The following PCDH11X variants were observed in gnomAD, a reference collection of about 807,000 sequenced individuals.
The protein encoded by PCDH11X is protocadherin-11 X-linked.
PCDH11X carries 18 observed loss-of-function variants against 53.3 expected under a neutral mutation model. The observed-to-expected ratio is 0.34, with a 90% CI of 0.23 to 0.50. The LOEUF (loss-of-function observed/expected upper bound fraction) is 0.50. PCDH11X is among the 20% of genes least tolerant of loss of function. The probability of loss-of-function intolerance (pLI) is 0.98; values close to 1 mark genes in which losing one functional copy is unlikely to be tolerated. For missense variants in PCDH11X, 570 were observed against 1,032.4 expected (o/e 0.55, Z 6.14); for synonymous variants, 279 against 393.3 (o/e 0.71, Z 3.44).
chrX:91,965,916 A>T (rs1192702669), intron 6 of PCDH11X, among the ~76,000 whole-genome samples: 1 of 111,816 alleles, frequency 8.9e-6, no homozygotes, highest in Non-Finnish European at 1.9e-5. Flanking sequence ...GATGACAAGT[A>T]TTACCAAGGA....
intron 6 of PCDH11X, among the ~76,000 whole-genome samples, chrX:92,065,457 T>C (rs1373976709): frequency 9.0e-6 from 1 of 111,457 alleles, no homozygotes; most frequent in Non-Finnish European, 1.9e-5. Flanking sequence ...TTCATAGTAG[T>C]TGTACTAATT....
chrX:91,795,450 C>G (rs1251498430), intron 1 of PCDH11X, among the ~76,000 whole-genome samples: 1 of 109,530 alleles, frequency 9.1e-6, no homozygotes, highest in African/African-American at 3.3e-5. Flanking sequence ...ATCATATAGC[C>G]CAAAATAGTC....
intron 10 of PCDH11X, among the ~76,000 whole-genome samples, chrX:92,589,864 G>T (rs1420742736): frequency 5.4e-5 from 6 of 111,343 alleles, no homozygotes; most frequent in Non-Finnish European, 3.8e-5. Context: ...GCTAATGGGA[G>T]GCCATCAGTC....
chrX:92,212,229 C>T (rs2066603938), intron 7 of PCDH11X, among the ~76,000 whole-genome samples: 1 of 111,583 alleles, frequency 9.0e-6, no homozygotes, highest in Admixed American at 9.5e-5. Context: ...CCAGGCTGGT[C>T]TCAAACTACT....
intron 10 of PCDH11X, among the ~76,000 whole-genome samples, chrX:92,476,208 C>T (rs2073382440): frequency 9.0e-6 from 1 of 111,405 alleles, no homozygotes; most frequent in African/African-American, 3.3e-5. Context: ...TCTTCCTTGC[C>T]TTCCACCATG....
At chrX:92,325,623 T>C (rs2069313026) in intron 8 of PCDH11X, among the ~76,000 whole-genome samples, 1 of 112,076 alleles carries the variant, frequency 8.9e-6, no homozygotes, top group South Asian at 3.7e-4. Context: ...AGAAGCCAGA[T>C]TGTCACTGTG....
chrX:92,148,322 A>G (rs780618900), intron 6 of PCDH11X, among the ~76,000 whole-genome samples: 1 of 99,493 alleles, frequency 1.0e-5, no homozygotes, highest in African/African-American at 3.7e-5. Flanking sequence ...TCTGCCTCCC[A>G]GGTTCAAGCG....
intron 6 of PCDH11X, among the ~76,000 whole-genome samples, chrX:92,059,822 G>A: frequency 9.1e-6 from 1 of 109,847 alleles, no homozygotes; most frequent in Non-Finnish European, 1.9e-5. Flanking sequence ...AACTCTGCAA[G>A]CCTAGGCATC....
chrX:91,996,173 G>A (rs1482660881), intron 6 of PCDH11X, among the ~76,000 whole-genome samples: 3 of 78,830 alleles, frequency 3.8e-5, no homozygotes, highest in African/African-American at 1.5e-4. Flanking sequence ...TGAGACGGAG[G>A]TTCAGTCTCC....
At chrX:91,947,044 G>T (rs903704196) in intron 6 of PCDH11X, among the ~76,000 whole-genome samples, 2 of 102,083 alleles carry the variant, frequency 2.0e-5, no homozygotes, top group Non-Finnish European at 2.0e-5. Context: ...CTGATCCTGG[G>T]TAATTAATGG....
chrX:92,102,698 G>T (rs1026250870), intron 6 of PCDH11X, among the ~76,000 whole-genome samples: 2 of 111,340 alleles, frequency 1.8e-5, no homozygotes, highest in African/African-American at 6.6e-5. Flanking sequence ...GGGATGAAGG[G>T]TGCAAAGGAA....
At position 92,062,440 on chromosome X, in the gene PCDH11X, A is replaced by G. The variant is rs1279868874; in HGVS notation, c.3034-138935A>G. Among the ~76,000 whole-genome samples, 6 of 111,901 alleles carry G rather than the reference A, an allele frequency of 5.4e-5. No homozygotes were observed. In the East Asian group the frequency reaches 1.7e-3, roughly 31 times the overall value. On this transcript the variant is annotated intron_variant, in intron 6 of 10. Coordinates refer to ENST00000682573, the MANE Select transcript of PCDH11X (RefSeq NM_032968.5). ...AATGCTTCTAGCTTTTGCTCATTCA[A>G]TATGATGTTGGCTGTGGGAATGTCA... is the stretch of plus-strand genomic sequence containing the variant.
At chrX:92,458,023 G>C (rs1326277176) in intron 9 of PCDH11X, among the ~76,000 whole-genome samples, 1 of 109,882 alleles carries the variant, frequency 9.1e-6, no homozygotes, top group East Asian at 2.9e-4. Flanking sequence ...ATTAATATAA[G>C]TATAGACATG....
At chrX:92,368,756 T>C (rs1452934463) in intron 8 of PCDH11X, among the ~76,000 whole-genome samples, 1 of 109,990 alleles carries the variant, frequency 9.1e-6, no homozygotes, top group African/African-American at 3.3e-5. Context: ...AGCAGGCCTG[T>C]CTGCTGCAGG....
At chrX:91,857,223 C>A (rs938213229) in intron 5 of PCDH11X, among the ~76,000 whole-genome samples, 27 of 110,892 alleles carry the variant, frequency 2.4e-4, no homozygotes, top group African/African-American at 8.9e-4. Context: ...ACCATCAGAT[C>A]TCATGAGACT....
chrX:91,886,220 C>A (rs1022775897), intron 6 of PCDH11X, among the ~76,000 whole-genome samples: 2 of 111,292 alleles, frequency 1.8e-5, no homozygotes, highest in Non-Finnish European at 3.8e-5. Flanking sequence ...TGTCATTCAT[C>A]GACTACGGGA....
chrX:92,277,746 C>T (rs775519079), intron 8 of PCDH11X, among the ~76,000 whole-genome samples: 17 of 110,002 alleles, frequency 1.5e-4, no homozygotes, highest in East Asian at 8.7e-4. Flanking sequence ...CGCAGAGATA[C>T]GAGGCTGGGG....
At chrX:91,813,195 G>A (rs1302240437) in intron 4 of PCDH11X, among the ~76,000 whole-genome samples, 1 of 111,128 alleles carries the variant, frequency 9.0e-6, no homozygotes, top group East Asian at 2.8e-4. Context: ...GACGAGTAAT[G>A]GAATATGCTA....
intron 9 of PCDH11X, among the ~76,000 whole-genome samples, chrX:92,394,238 C>T (rs1299740007): frequency 1.8e-5 from 2 of 111,572 alleles, no homozygotes; most frequent in Non-Finnish European, 3.8e-5. Context: ...ATTTGGGTGA[C>T]AGTCTCTAAG....
Sources: allele counts gnomAD v4.1 joint callset (sites outside exome capture counted in the v4.1 genomes callset), GRCh38; gene constraint gnomAD v4.1.1; transcripts MANE v1.5; gene names NCBI Gene and HGNC (gene_info 2026-07-23, HGNC 2026-07-21).